Variants in GRM7 observed in about 807,000 individuals in gnomAD.
GRM7 encodes the protein metabotropic glutamate receptor 7.
A neutral mutation model predicts 84.5 loss-of-function variants in GRM7; 35 were observed. That is an observed-to-expected ratio of 0.41 (90% CI 0.32 to 0.55). The LOEUF is 0.55. Ranked by LOEUF, GRM7 falls within the 20% of genes least tolerant of loss-of-function variation. The probability of loss-of-function intolerance (pLI) is 0.19; values close to 1 mark genes in which losing one functional copy is unlikely to be tolerated. For missense variants in GRM7, 1,003 were observed against 1,194.6 expected (o/e 0.84, Z 2.36); for synonymous variants, 487 against 455.1 (o/e 1.07, Z -0.89).
intron 1 of GRM7, among the ~76,000 whole-genome samples, chr3:7,085,960 T>A (rs1698443761): frequency 1.3e-5 from 2 of 152,180 alleles, no homozygotes; most frequent in Admixed American, 1.3e-4. Flanking sequence ...GTGATAGAAA[T>A]AATAATGGCA....
At chr3:7,318,541 A>G (rs933115292) in intron 4 of GRM7, among the ~76,000 whole-genome samples, 4 of 152,104 alleles carry the variant, frequency 2.6e-5, no homozygotes, top group Admixed American at 2.0e-4. Context: ...AAGAAAAGTC[A>G]TTTATAAATT....
chr3:7,649,151 G>C (rs1698808859), intron 8 of GRM7, among the ~76,000 whole-genome samples: 1 of 151,624 alleles, frequency 6.6e-6, no homozygotes, highest in Non-Finnish European at 1.5e-5. Context: ...CTCACTGCTA[G>C]CTCCGCCTCC....
At chr3:7,161,982 A>G (rs898246315) in intron 2 of GRM7, among the ~76,000 whole-genome samples, 1 of 152,230 alleles carries the variant, frequency 6.6e-6, no homozygotes, top group African/African-American at 2.4e-5. Context: ...TAATGCCAAT[A>G]GAGCTTGCTA....
Position 7,740,470 on chromosome 3 carries a change from C to A in GRM7, c.*64C>A. The stretch of plus-strand genomic sequence containing the variant: ...TCAGTTATTTTGTCACCCAACCTGG[C>A]ATAGGACTCTTTGGTCCTACCCGCT... On this transcript the variant is annotated 3_prime_UTR_variant, in exon 10 of 10. Coordinates refer to ENST00000357716, the MANE Select transcript of GRM7 (RefSeq NM_000844.4). 3.2e-6 allele frequency: 3 copies of A among 947,982 alleles called. No homozygotes were observed. The highest frequency in any genetic ancestry group is 4.8e-6 in the Non-Finnish European group (3 of 619,812). The allele number at this position is 947,982 out of a possible 1,614,324, so 58.7% of individuals were successfully genotyped here.
chr3:7,007,294 G>T lies in GRM7; in HGVS notation c.520-139158G>T, dbSNP rs376736738. Among the ~76,000 whole-genome samples, 16 of 152,294 alleles carry T rather than the reference G, an allele frequency of 1.1e-4. No homozygotes were observed. In the East Asian group the frequency reaches 2.5e-3, roughly 24 times the overall value. On this transcript the variant is annotated intron_variant, in intron 1 of 9. Coordinates refer to ENST00000357716, the MANE Select transcript of GRM7 (RefSeq NM_000844.4). Reference sequence around the variant, plus strand: ...GGCCACACCTAACCTGTATCGTGATGATAAGGATTAAATGGAACGGTTTCT... The same window carrying T: ...GGCCACACCTAACCTGTATCGTGATTATAAGGATTAAATGGAACGGTTTCT...
At chr3:7,676,408 T>C (rs1000258366) in intron 8 of GRM7, among the ~76,000 whole-genome samples, 5 of 152,222 alleles carry the variant, frequency 3.3e-5, no homozygotes, top group Non-Finnish European at 7.3e-5. Flanking sequence ...AATGACATTT[T>C]GATAAACAGA....
chr3:7,264,241 C>A (rs775914332), intron 2 of GRM7, among the ~76,000 whole-genome samples: 3 of 152,168 alleles, frequency 2.0e-5, no homozygotes, highest in Non-Finnish European at 4.4e-5. Context: ...AGATCCGACA[C>A]TTTCTCTAGG....
intron 1 of GRM7, among the ~76,000 whole-genome samples, chr3:7,030,651 C>A (rs1559394863): frequency 6.6e-6 from 1 of 152,068 alleles, no homozygotes. Context: ...CAAATGGATC[C>A]TGGAAATCAC....
At chr3:7,133,998 A>G (rs1693688804) in intron 1 of GRM7, among the ~76,000 whole-genome samples, 2 of 152,144 alleles carry the variant, frequency 1.3e-5, no homozygotes, top group Admixed American at 6.6e-5. Flanking sequence ...AAGCCTCGTT[A>G]CATACTACAC....
intron 7 of GRM7, among the ~76,000 whole-genome samples, chr3:7,474,457 T>A (rs1235760652): frequency 4.7e-5 from 6 of 127,606 alleles, no homozygotes; most frequent in East Asian, 2.3e-4. Flanking sequence ...AAAAAAAAAA[T>A]TGACAATTGA....
chr3:7,268,898 A>ATT (rs1698746204), intron 2 of GRM7, among the ~76,000 whole-genome samples: 3 of 152,220 alleles, frequency 2.0e-5, no homozygotes, highest in African/African-American at 7.2e-5. Context: ...CCAGGAGCTC[A>ATT]GTCCAAACCA....
chr3:6,915,703 A>G (rs186838487), intron 1 of GRM7, among the ~76,000 whole-genome samples: 2 of 152,336 alleles, frequency 1.3e-5, no homozygotes, highest in East Asian at 3.9e-4. Flanking sequence ...GATGCTGACC[A>G]AAAGGCATCT....
Position 7,579,093 on chromosome 3 carries a change from C to T in GRM7, c.2187C>T (p.Ile729=), listed in dbSNP as rs1391348365. The T allele has an allele frequency of 6.2e-7, 1 of 1,613,966 alleles. No individual in the cohort carries two copies. The highest frequency in any genetic ancestry group is 8.5e-7 in the Non-Finnish European group (1 of 1,179,880). ...TTGGTGTTGATCCACCCAACATCAT[C>T]ATAGACTATGATGAACACAAGACAA... ...IWFGVDPPNI[I]IDYDEHKTMN... is the part of the protein sequence containing the mutation. The change falls in exon 8 of 10, where the codon ATC becomes ATT. Residue 729 remains isoleucine (I), a synonymous_variant. Transcript: ENST00000357716.
intron 7 of GRM7, among the ~76,000 whole-genome samples, chr3:7,529,456 T>C (rs1181445547): frequency 6.6e-6 from 1 of 152,102 alleles, no homozygotes; most frequent in Non-Finnish European, 1.5e-5. Context: ...GCAAGGGAAG[T>C]CTGTTATATG....
chr3:7,240,182 G>T (rs1203783126), intron 2 of GRM7, among the ~76,000 whole-genome samples: 1 of 114,418 alleles, frequency 8.7e-6, no homozygotes, highest in East Asian at 3.1e-4. Flanking sequence ...GCAATCTGAT[G>T]GAGAAAGCAG....
chr3:7,281,202 A>G (rs148834844), intron 2 of GRM7, among the ~76,000 whole-genome samples: 41 of 152,342 alleles, frequency 2.7e-4, no homozygotes, highest in African/African-American at 7.0e-4. Flanking sequence ...ATGTTAAAAT[A>G]TCATTTGAAA....
chr3:7,568,238 A>T (rs1019726064), intron 7 of GRM7, among the ~76,000 whole-genome samples: 3 of 151,744 alleles, frequency 2.0e-5, no homozygotes, highest in Non-Finnish European at 4.4e-5. Context: ...AGTGCATCAC[A>T]ATATCAAGAA....
chr3:7,064,361 C>A (rs1697548529), intron 1 of GRM7, among the ~76,000 whole-genome samples: 1 of 149,906 alleles, frequency 6.7e-6, no homozygotes, highest in South Asian at 2.1e-4. Flanking sequence ...TGAGTTATAT[C>A]ACTTGGAATA....
intron 1 of GRM7, among the ~76,000 whole-genome samples, chr3:6,990,988 T>C (rs545977352): frequency 1.3e-5 from 2 of 152,170 alleles, no homozygotes; most frequent in East Asian, 3.9e-4. Flanking sequence ...AGAATTGCTT[T>C]AGCCCAGGAG....
Sources: gnomAD v4.1 joint callset for allele counts (sites outside exome capture counted in the v4.1 genomes callset) on GRCh38, gnomAD v4.1.1 for gene constraint, MANE v1.5 for transcripts, NCBI Gene and HGNC (gene_info 2026-07-23, HGNC 2026-07-21) for gene names.